The following ROR2 variants were observed in gnomAD, a reference collection of about 807,000 sequenced individuals.
The protein encoded by ROR2 is tyrosine-protein kinase transmembrane receptor ROR2.
ROR2 carries 33 observed loss-of-function variants against 74.9 expected under a neutral mutation model. That is an observed-to-expected ratio of 0.44 (90% CI 0.33 to 0.59). ROR2 has a LOEUF of 0.59. Among genes scored for constraint, ROR2 ranks in the 20% least tolerant of loss-of-function variants. The probability of loss-of-function intolerance (pLI) is 0.02; values close to 1 mark genes in which losing one functional copy is unlikely to be tolerated. For synonymous variants in ROR2, 586 were observed against 558.7 expected, an observed-to-expected ratio of 1.05 and a Z score of -0.69; for missense variants, 1,216 against 1,313.8, an observed-to-expected ratio of 0.93 and a Z score of 1.15.
intron 2 of ROR2, among the ~76,000 whole-genome samples, chr9:91,762,813 C>T (rs1315229146): frequency 6.6e-6 from 1 of 152,090 alleles, no homozygotes; most frequent in East Asian, 1.9e-4. Flanking sequence ...ACAAACAAGC[C>T]ACAATTTCCT....
intron 2 of ROR2, among the ~76,000 whole-genome samples, chr9:91,767,372 C>T (rs1199251841): frequency 1.3e-5 from 2 of 152,162 alleles, no homozygotes; most frequent in African/African-American, 2.4e-5. Flanking sequence ...CATGTCCAGC[C>T]GACTTACGAT....
intron 1 of ROR2, among the ~76,000 whole-genome samples, chr9:91,819,404 T>C (rs1828058260): frequency 6.6e-6 from 1 of 152,194 alleles, no homozygotes; most frequent in African/African-American, 2.4e-5. Flanking sequence ...TGTCTACGTG[T>C]GTGTCTTTGA....
At position 91,724,711 on chromosome 9, in the gene ROR2, G is replaced by GAA; in HGVS notation, c.1782_1783insTT (p.Leu595PhefsTer29). ...ATCCCCGCCGCGATCTGTGCCACAA[G>GAA]GTGCACGAAGTCGGGGGGCTCCAGG... On this transcript the variant is annotated frameshift_variant, in exon 9 of 9. Transcript: ENST00000375708. LOFTEE classifies it high-confidence loss of function. 2.5e-6 allele frequency: 4 copies of GAA among 1,614,222 alleles called. No individual in the cohort carries two copies. The highest frequency in any genetic ancestry group is 3.4e-6 in the Non-Finnish European group (4 of 1,180,044).
chr9:91,937,478 C>A (rs1255927125), intron 1 of ROR2, among the ~76,000 whole-genome samples: 1 of 151,980 alleles, frequency 6.6e-6, no homozygotes, highest in African/African-American at 2.4e-5. Context: ...TGCACCCCAA[C>A]TCACATATGA....
rs1456269470 is a variant in ROR2, at chr9:91,724,574, C to T, written c.1920G>A (p.Val640=). 1.2e-6 allele frequency: 2 copies of T among 1,614,120 alleles called. No individual in the cohort carries two copies. Among genetic ancestry groups the T allele is most frequent in the African/African-American group, 1.3e-5 (1 of 74,952 alleles). Reference sequence around the variant, plus strand: ...GCAGCTTGTAGTAATCGGCGGCATACACCTCTCGGAAGAGGCCCAAGTCTG... The same window carrying T: ...GCAGCTTGTAGTAATCGGCGGCATATACCTCTCGGAAGAGGCCCAAGTCTG... ...KISDLGLFRE[V]YAADYYKLLG... The change falls in exon 9 of 9, where the codon GTG becomes GTA. Residue 640 remains valine (V), a synonymous_variant. Coordinates refer to ENST00000375708, the MANE Select transcript of ROR2 (RefSeq NM_004560.4).
At position 91,737,468 on chromosome 9, in the gene ROR2, C is replaced by A; in HGVS notation, c.545G>T (p.Cys182Phe). 6.2e-7 allele frequency: 1 copy of A among 1,614,188 alleles called. No homozygotes were observed. Among genetic ancestry groups the A allele is most frequent in the South Asian group, 1.1e-5 (1 of 91,082 alleles). The change falls in exon 5 of 9, where the codon TGT (cysteine) becomes TTT (phenylalanine). Residue 182 changes from cysteine (C) to phenylalanine (F), a missense_variant. Physicochemically the swap from Cys to Phe is radical, Grantham distance 205. Coordinates refer to ENST00000375708, the MANE Select transcript of ROR2 (RefSeq NM_004560.4). ...GFCQPYRGIACARFIGNRTIY... is the reference protein window; with the variant it reads ...GFCQPYRGIAFARFIGNRTIY... ...GGTCCGGTTGCCAATGAAGCGTGCACAGGCAATTCCCCGGTAAGGCTGGCA... is the reference window on the plus strand; with the variant it reads ...GGTCCGGTTGCCAATGAAGCGTGCAAAGGCAATTCCCCGGTAAGGCTGGCA...
intron 1 of ROR2, among the ~76,000 whole-genome samples, chr9:91,799,017 G>A (rs1400430961): frequency 6.6e-6 from 1 of 152,134 alleles, no homozygotes; most frequent in Non-Finnish European, 1.5e-5. Flanking sequence ...CCAAGCTGAA[G>A]AGAGATCCAT....
chr9:91,936,902 C>A (rs1237413232), intron 1 of ROR2, among the ~76,000 whole-genome samples: 1 of 149,326 alleles, frequency 6.7e-6, no homozygotes, highest in Non-Finnish European at 1.5e-5. Context: ...TAGTGGCGGG[C>A]GCCTGTAGTC....
rs552279035 is a variant in ROR2, at chr9:91,925,082, G to A, written c.97+24785C>T. 1.2e-4 allele frequency among the ~76,000 whole-genome samples: 19 copies of A among 152,082 alleles called. 1 individual carries two copies. Among genetic ancestry groups the A allele is most frequent in the Admixed American group, 2.0e-4 (3 of 15,264 alleles). On this transcript the variant is annotated intron_variant, in intron 1 of 8. Transcript: ENST00000375708. ...GCCCAGGCTGGTCTCAAACTCTTGG[G>A]CTCAGTAATCCTCCCATCTTGGCCT...
chr9:91,847,496 T>C (rs1828966030), intron 1 of ROR2, among the ~76,000 whole-genome samples: 1 of 151,880 alleles, frequency 6.6e-6, no homozygotes, highest in Non-Finnish European at 1.5e-5. Flanking sequence ...CCTAATGCAG[T>C]CCCCCCACTT....
At chr9:91,868,008 C>CA (rs1177244315) in intron 1 of ROR2, among the ~76,000 whole-genome samples, 1 of 152,078 alleles carries the variant, frequency 6.6e-6, no homozygotes, top group African/African-American at 2.4e-5. Flanking sequence ...ACTCAACATA[C>CA]AAAGAACCAG....
At chr9:91,796,414 C>T (rs137998453) in intron 1 of ROR2, among the ~76,000 whole-genome samples, 1 of 120,610 alleles carries the variant, frequency 8.3e-6, no homozygotes, top group African/African-American at 3.3e-5. Flanking sequence ...GCCTGGGCAA[C>T]AGAGTGAGAC....
intron 1 of ROR2, among the ~76,000 whole-genome samples, chr9:91,804,555 T>G (rs897133846): frequency 2.0e-5 from 3 of 152,242 alleles, no homozygotes; most frequent in African/African-American, 7.2e-5. Flanking sequence ...GCGGCTCACA[T>G]GGGCCACGCT....
At chr9:91,917,395 G>A (rs1831163892) in intron 1 of ROR2, among the ~76,000 whole-genome samples, 1 of 152,150 alleles carries the variant, frequency 6.6e-6, no homozygotes, top group Non-Finnish European at 1.5e-5. Context: ...GGGGAAGTAC[G>A]ATCCATGTCA....
chr9:91,774,527 G>A (rs534592593), intron 2 of ROR2, among the ~76,000 whole-genome samples: 2 of 152,238 alleles, frequency 1.3e-5, no homozygotes, highest in South Asian at 4.1e-4. Context: ...GAAAACACCG[G>A]GATTCGGTCT....
intron 2 of ROR2, 135 bp from the exon 3 acceptor site, chr9:91,757,694 CG>C: frequency 1.1e-6 from 1 of 891,196 alleles, no homozygotes; most frequent in East Asian, 2.7e-5. Flanking sequence ...TTGTTATCTG[CG>C]GTAATTATCT....
At chr9:91,892,590 C>CTTTTTTTTTTTTT (rs547073635) in intron 1 of ROR2, among the ~76,000 whole-genome samples, 1 of 105,468 alleles carries the variant, frequency 9.5e-6, no homozygotes, top group Non-Finnish European at 1.8e-5. Context: ...CTTTTCTTTT[C>CTTTTTTTTTTTTT]TTTTTTTTTT....
At chr9:91,753,090 G>A (rs376773324) in intron 4 of ROR2, among the ~76,000 whole-genome samples, 10 of 152,082 alleles carry the variant, frequency 6.6e-5, no homozygotes, top group African/African-American at 2.2e-4. Flanking sequence ...TCACCAAACT[G>A]ACCTAAAAAT....
At chr9:91,830,830 G>A (rs1425674775) in intron 1 of ROR2, among the ~76,000 whole-genome samples, 1 of 151,478 alleles carries the variant, frequency 6.6e-6, no homozygotes, top group Non-Finnish European at 1.5e-5. Context: ...GTGTGTGTGT[G>A]TGTGTGTGTG....
Sources: gnomAD v4.1 joint callset for allele counts (sites outside exome capture counted in the v4.1 genomes callset) on GRCh38, gnomAD v4.1.1 for gene constraint, MANE v1.5 for transcripts, NCBI Gene and HGNC (gene_info 2026-07-23, HGNC 2026-07-21) for gene names.